FOXK1: variants seen among roughly 807,000 people sequenced by gnomAD.
FOXK1 encodes forkhead box K1.
A neutral mutation model predicts 51.9 loss-of-function variants in FOXK1; 19 were observed. The ratio of observed to expected loss-of-function variants is 0.37; its 90% CI spans 0.26 to 0.54. FOXK1 has a LOEUF of 0.54. Ranked by LOEUF, FOXK1 falls within the 20% of genes least tolerant of loss-of-function variation. FOXK1 has a pLI of 0.87. For synonymous variants in FOXK1, 537 were observed against 482.6 expected, an observed-to-expected ratio of 1.11 and a Z score of -1.48; for missense variants, 870 against 1,032.7, an observed-to-expected ratio of 0.84 and a Z score of 2.16.
chr7:4,690,127 G>T (rs1779873462), intron 1 of FOXK1, among the ~76,000 whole-genome samples: 1 of 152,228 alleles, frequency 6.6e-6, no homozygotes, highest in Admixed American at 6.5e-5. Flanking sequence ...ACGGGCATCA[G>T]GTCCGACTCC....
chr7:4,737,414 T>G (rs541842982), intron 1 of FOXK1, among the ~76,000 whole-genome samples: 1 of 151,936 alleles, frequency 6.6e-6, no homozygotes, highest in African/African-American at 2.4e-5. Flanking sequence ...CCAGCACTGG[T>G]GGAACGGGTA....
chr7:4,753,340 G>A lies in FOXK1; in HGVS notation c.747-1119G>A, dbSNP rs1421371720. Among the ~76,000 whole-genome samples, 1 of 152,144 alleles carries A rather than the reference G, an allele frequency of 6.6e-6. No individual in the cohort carries two copies. Among genetic ancestry groups the A allele is most frequent in the African/African-American group, 2.4e-5 (1 of 41,444 alleles). ...TAGGAGTCTTGTGCCTGGACAGTTA[G>A]GGAAGGATGTTCCTGGCAGAGGAAA... On this transcript the variant is annotated intron_variant, in intron 2 of 8. Coordinates refer to ENST00000328914, the MANE Select transcript of FOXK1 (RefSeq NM_001037165.2). The surrounding 1 kb of genome is among the most constrained non-coding windows in gnomAD (Gnocchi z 4.9).
At position 4,711,759 on chromosome 7, in the gene FOXK1, A is replaced by G. The variant is rs1008344450; in HGVS notation, c.560+28891A>G. On this transcript the variant is annotated intron_variant, in intron 1 of 8. Coordinates refer to ENST00000328914, the MANE Select transcript of FOXK1 (RefSeq NM_001037165.2). This position sits in a 1 kb window ranked among gnomAD's most constrained non-coding sequence, Gnocchi z 6.3. ...ACCCACCAGGCTGGGCTCAGCCACA[A>G]GTCGGCAACGTAGTGCCTCCAGGGC... Among the ~76,000 whole-genome samples the G allele has an allele frequency of 2.0e-5, 3 of 152,246 alleles. No individual in the cohort carries two copies. The highest frequency in any genetic ancestry group is 4.4e-5 in the Non-Finnish European group (3 of 68,042).
intron 1 of FOXK1, among the ~76,000 whole-genome samples, chr7:4,690,513 C>G (rs940932041): frequency 6.6e-6 from 1 of 152,202 alleles, no homozygotes; most frequent in Non-Finnish European, 1.5e-5. Flanking sequence ...GAGCCACTTT[C>G]TAGTATTTGG....
chr7:4,724,663 C>G (rs1028917480), intron 1 of FOXK1, among the ~76,000 whole-genome samples: 1 of 152,372 alleles, frequency 6.6e-6, no homozygotes, highest in East Asian at 1.9e-4. Context: ...GGCCAGGGCT[C>G]TGGGCTCAGC....
chr7:4,759,321 C>T lies in FOXK1; in HGVS notation c.1422C>T (p.Val474=). The T allele has an allele frequency of 6.2e-7, 1 of 1,600,646 alleles. No homozygotes were observed. The highest frequency in any genetic ancestry group is 8.5e-7 in the Non-Finnish European group (1 of 1,177,980). The change falls in exon 7 of 9, where the codon GTC becomes GTT. Residue 474 remains valine, a synonymous_variant. Coordinates refer to ENST00000328914, the MANE Select transcript of FOXK1 (RefSeq NM_001037165.2). ...RYSQSAPGSP[V]SAQPVIMAVP... ...CCGCCCTCCGTGCAGGCTCCCCCGT[C>T]AGCGCCCAGCCAGTGATCATGGCCG...
In FOXK1 at chr7:4,758,669, G is replaced by A. The variant is rs530046379; in HGVS notation, c.1245-382G>A. 1.8e-3 allele frequency: 413 copies of A among 223,692 alleles called. 2 individuals carry two copies. The highest frequency in any genetic ancestry group is 9.1e-3 in the African/African-American group (397 of 43,614). The allele number at this position is 223,692 out of a possible 1,614,324, so 13.9% of individuals were successfully genotyped here. A position where few individuals can be genotyped will look rare whatever the true frequency, so the allele number is the denominator to read the frequency against. ...AATGACGTTCAAACACCCCTCTCGG[G>A]TAGAGTTTTCATGGTGGAACGGTTG... On this transcript the variant is annotated intron_variant, in intron 5 of 8. Coordinates refer to ENST00000328914, the MANE Select transcript of FOXK1 (RefSeq NM_001037165.2). This position sits in a 1 kb window ranked among gnomAD's most constrained non-coding sequence, Gnocchi z 4.4.
intron 7 of FOXK1, chr7:4,759,821 C>T (rs529535796): frequency 2.3e-5 from 14 of 600,580 alleles, no homozygotes; most frequent in East Asian, 5.9e-5. Flanking sequence ...ACTTGAGGTC[C>T]GGAGTTCGAG....
At position 4,731,140 on chromosome 7, in the gene FOXK1, T is replaced by C. The variant is rs918511052; in HGVS notation, c.561-9698T>C. ...GGACCGTCACCTGACTTCCTGTCCC[T>C]GCACAGAGAACTTGCTGGTAGGAGG... On this transcript the variant is annotated intron_variant, in intron 1 of 8. Transcript: ENST00000328914. The surrounding 1 kb of genome is among the most constrained non-coding windows in gnomAD (Gnocchi z 5.3). Among the ~76,000 whole-genome samples the C allele has an allele frequency of 6.6e-6, 1 of 152,236 alleles. No individual in the cohort carries two copies. Among genetic ancestry groups the C allele is most frequent in the Non-Finnish European group, 1.5e-5 (1 of 68,034 alleles).
intron 1 of FOXK1, among the ~76,000 whole-genome samples, chr7:4,693,643 C>T (rs1309898516): frequency 3.3e-5 from 5 of 152,088 alleles, no homozygotes; most frequent in Admixed American, 3.3e-4. Flanking sequence ...GTGTCCCCTC[C>T]CCTGGAGAAC....
In FOXK1 at chr7:4,750,296, G is replaced by A. The variant is rs117822219; in HGVS notation, c.747-4163G>A. 3.3e-5 allele frequency among the ~76,000 whole-genome samples: 5 copies of A among 152,202 alleles called. No individual in the cohort carries two copies. In the South Asian group the frequency reaches 6.2e-4, roughly 19 times the overall value. ...ACTGGGGGGGGCCTGACCGAGGCCT[G>A]GGGTACTTACCCCAGAAGGAGTGAT... On this transcript the variant is annotated intron_variant, in intron 2 of 8. Transcript: ENST00000328914.
At chr7:4,696,115 C>CAA (rs1192472036) in intron 1 of FOXK1, among the ~76,000 whole-genome samples, 10 of 80,098 alleles carry the variant, frequency 1.2e-4, no homozygotes, top group African/African-American at 1.9e-4. Flanking sequence ...GACTGTGTCT[C>CAA]AAAAAAAAAA....
Position 4,761,383 on chromosome 7 carries a change from T to C in FOXK1, c.1921+95T>C, listed in dbSNP as rs1195836432. On this transcript the variant is annotated intron_variant, in intron 8 of 8. Coordinates refer to ENST00000328914, the MANE Select transcript of FOXK1 (RefSeq NM_001037165.2). This position sits in a 1 kb window ranked among gnomAD's most constrained non-coding sequence, Gnocchi z 6.2. ...AGAATGTTCTCCCAGTATCTCCCGA[T>C]CCTCCACTCAGTTCAATTTATTGAG... 1.9e-5 allele frequency: 23 copies of C among 1,224,340 alleles called. No individual in the cohort carries two copies. The highest frequency in any genetic ancestry group is 2.6e-5 in the Non-Finnish European group (23 of 871,732). The allele number at this position is 1,224,340 out of a possible 1,614,324, so 75.8% of individuals were successfully genotyped here. A position where few individuals can be genotyped will look rare whatever the true frequency, so the allele number is the denominator to read the frequency against.
Position 4,755,144 on chromosome 7 carries a change from TG to T in FOXK1, c.904-90del. The T allele has an allele frequency of 6.6e-7, 1 of 1,512,624 alleles. No homozygotes were observed. 93.7% of individuals were successfully genotyped at this position (1,512,624 alleles called of 1,614,324 possible). ...TGCCGGCAAGACGCGCACATTCTCGTGGGAAGGTTCCTCCCCATCAGCTGTG... is the reference window on the plus strand; with the variant it reads ...TGCCGGCAAGACGCGCACATTCTCGTGGAAGGTTCCTCCCCATCAGCTGTG... On this transcript the variant is annotated intron_variant, in intron 3 of 8. Transcript: ENST00000328914. This position sits in a 1 kb window ranked among gnomAD's most constrained non-coding sequence, Gnocchi z 6.6.
rs972210588 is a variant in FOXK1, at chr7:4,723,230, G to T, written c.561-17608G>T. Among the ~76,000 whole-genome samples the T allele has an allele frequency of 5.9e-5, 9 of 151,850 alleles. No individual in the cohort carries two copies. Among genetic ancestry groups the T allele is most frequent in the Non-Finnish European group, 1.2e-4 (8 of 67,996 alleles). On this transcript the variant is annotated intron_variant, in intron 1 of 8. Coordinates refer to ENST00000328914, the MANE Select transcript of FOXK1 (RefSeq NM_001037165.2). The surrounding 1 kb of genome is among the most constrained non-coding windows in gnomAD (Gnocchi z 4.7). The stretch of plus-strand genomic sequence containing the variant: ...ACCCATGGCGGCTTGCACGTTGCAC[G>T]TCCCCCGGCTCAGCACCGAGCAAGT...
intron 1 of FOXK1, among the ~76,000 whole-genome samples, chr7:4,737,214 C>T (rs1780564004): frequency 6.6e-6 from 1 of 152,204 alleles, no homozygotes; most frequent in Non-Finnish European, 1.5e-5. Flanking sequence ...CAGCGTGATC[C>T]GATCCCATAT....
At chr7:4,702,704 C>A (rs1200015990) in intron 1 of FOXK1, among the ~76,000 whole-genome samples, 6 of 152,152 alleles carry the variant, frequency 3.9e-5, no homozygotes. Flanking sequence ...GTCGTGACAT[C>A]TTCTTCATGA....
intron 1 of FOXK1, among the ~76,000 whole-genome samples, chr7:4,724,921 G>T (rs1247675124): frequency 2.6e-5 from 4 of 152,248 alleles, no homozygotes; most frequent in Non-Finnish European, 4.4e-5. Flanking sequence ...AAGGGGAGCA[G>T]GAAAGTCACC....
intron 1 of FOXK1, among the ~76,000 whole-genome samples, chr7:4,684,270 T>C (rs964450898): frequency 1.3e-5 from 2 of 152,248 alleles, no homozygotes. Context: ...TTCAGGGTTG[T>C]CTGTCTAATT....
Sources: gnomAD v4.1 joint callset for allele counts (sites outside exome capture counted in the v4.1 genomes callset) on GRCh38, gnomAD v4.1.1 for gene constraint, Gnocchi (gnomAD v3.1) non-coding constraint, MANE v1.5 for transcripts, NCBI Gene and HGNC (gene_info 2026-07-23, HGNC 2026-07-21) for gene names.